HM13: variants seen among roughly 807,000 people sequenced by gnomAD.
The protein encoded by HM13 is signal peptide peptidase.
Under a neutral mutation model 50.0 loss-of-function variants are expected in HM13, and 18 were observed. The ratio of observed to expected loss-of-function variants is 0.36; its 90% confidence interval spans 0.25 to 0.53. HM13 has a LOEUF of 0.53. HM13 is among the 20% of genes least tolerant of loss of function. The pLI, the probability that HM13 is intolerant of heterozygous loss-of-function variation, is 0.90. For synonymous variants in HM13, 197 were observed against 232.6 expected, an observed-to-expected ratio of 0.85 and a Z score of 1.39; for missense variants, 393 against 552.4, an observed-to-expected ratio of 0.71 and a Z score of 2.89.
chr20:31,566,644 C>T (rs958010667), intron 11 of HM13, among the ~76,000 whole-genome samples: 2 of 152,138 alleles, frequency 1.3e-5, no homozygotes, highest in Non-Finnish European at 2.9e-5. Flanking sequence ...TCTTCCCCTC[C>T]CATGGCCTCA....
rs35626235 is a variant in HM13 at position 31,519,843 on chromosome 20, C to CTT, written c.183+5127_183+5128dup. Among the ~76,000 whole-genome samples, 238 of 125,568 alleles carry CTT rather than the reference C, an allele frequency of 1.9e-3. 4 individuals are homozygous for CTT. The highest frequency in any genetic ancestry group is 4.0e-3 in the Middle Eastern group (1 of 252). 82.4% of individuals were successfully genotyped at this position (125,568 alleles called of 152,430 possible). ...ATTGGTGGGTCGAAGGCTATGCACA[C>CTT]TTTTTTTTTTTTTTTTTTTGAGACA... On this transcript the variant is annotated intron_variant, in intron 1 of 12. Transcript: ENST00000398174.
rs1211784507 is a variant in HM13 at position 31,566,942 on chromosome 20, A to T, written c.1034+647A>T. 3.9e-5 allele frequency among the ~76,000 whole-genome samples: 6 copies of T among 152,118 alleles called. No individual in the cohort carries two copies. In the East Asian group the frequency reaches 1.2e-3, roughly 29 times the overall value. ...GACCCTGCCTGCCAGGGACCTAGAA[A>T]TAGCTGTCAGTTGCGATTAAAGCTG... On this transcript the variant is annotated intron_variant, in intron 11 of 12. Transcript: ENST00000398174.
At chr20:31,515,810 T>C (rs116413749) in intron 1 of HM13, among the ~76,000 whole-genome samples, 481 of 152,120 alleles carry the variant, frequency 3.2e-3, no homozygotes, top group African/African-American at 0.011. Context: ...CCCTCTCCCT[T>C]CCTCCACAAC....
At position 31,547,479 on chromosome 20, in the gene HM13, G is replaced by A. The variant is rs1312495741; in HGVS notation, c.455-1550G>A. The A allele has an allele frequency of 1.3e-5, 8 of 630,158 alleles. No homozygotes were observed. In the Admixed American group the frequency reaches 2.0e-4, roughly 16 times the overall value. The allele number at this position is 630,158 out of a possible 1,614,324, so 39.0% of individuals were successfully genotyped here. A position where few individuals can be genotyped will look rare whatever the true frequency, so the allele number is the denominator to read the frequency against. On this transcript the variant is annotated intron_variant, in intron 4 of 12. Transcript: ENST00000398174. ...CCTTGCCAATTCCGTTTGTTTCCCT[G>A]TTGTCGCCCGCTTCACCCTGGATCA... is the stretch of plus-strand genomic sequence containing the variant.
chr20:31,516,882 A>G (rs1413590210), intron 1 of HM13, among the ~76,000 whole-genome samples: 2 of 152,200 alleles, frequency 1.3e-5, no homozygotes, highest in African/African-American at 4.8e-5. Flanking sequence ...ACAGCAACTG[A>G]GGTGGCAGGC....
In HM13 at chr20:31,547,398, G is replaced by A. The variant is rs1020198153; in HGVS notation, c.455-1631G>A. The A allele has an allele frequency of 1.4e-5, 6 of 435,040 alleles. No individual in the cohort carries two copies. The South Asian group carries it at 1.5e-4, about 11-fold the overall frequency. The allele number at this position is 435,040 out of a possible 1,614,324, so 26.9% of individuals were successfully genotyped here. A position where few individuals can be genotyped will look rare whatever the true frequency, so the allele number is the denominator to read the frequency against. On this transcript the variant is annotated intron_variant, in intron 4 of 12. Transcript: ENST00000398174. ...CCGGTTAGCGACAACGGCTCTGACC[G>A]TCTGGCAGGCCGCGTGGCGCCCGCG...
intron 1 of HM13, 33 bp from the exon 2 acceptor site, chr20:31,527,451 G>T (rs375118172): frequency 2.0e-6 from 3 of 1,481,280 alleles, no homozygotes; most frequent in East Asian, 2.3e-5. Flanking sequence ...GGAACCAGCC[G>T]TGCTGAGCCA....
At chr20:31,516,661 G>A (rs1023470258) in intron 1 of HM13, among the ~76,000 whole-genome samples, 2 of 152,182 alleles carry the variant, frequency 1.3e-5, no homozygotes, top group Non-Finnish European at 2.9e-5. Context: ...GGCAGTTCAG[G>A]AAATAGTGGA....
chr20:31,531,599 T>C lies in HM13; in HGVS notation c.282+4017T>C, dbSNP rs541602984. On this transcript the variant is annotated intron_variant, in intron 2 of 12. Transcript: ENST00000398174. ...TTTTTGTTGTTTTTTGTTGTTGTTA[T>C]TGTTTTGTTTTGTTTTTTGAGACGG... 1.5e-4 allele frequency among the ~76,000 whole-genome samples: 23 copies of C among 152,154 alleles called. No homozygotes were observed. The South Asian group carries it at 4.6e-3, about 30-fold the overall frequency.
intron 9 of HM13, 104 bp from the exon 10 acceptor site, chr20:31,561,530 C>G: frequency 2.6e-6 from 2 of 776,862 alleles, no homozygotes; most frequent in Admixed American, 1.9e-5. Flanking sequence ...GCTCAGTCAC[C>G]CCCCCACAAC....
chr20:31,520,882 C>T (rs1378603560), intron 1 of HM13, among the ~76,000 whole-genome samples: 1 of 152,182 alleles, frequency 6.6e-6, no homozygotes, highest in Admixed American at 6.6e-5. Context: ...CAGATCATTT[C>T]CAGGGCATGG....
At chr20:31,556,618 C>CA (rs1262800538) in intron 8 of HM13, among the ~76,000 whole-genome samples, 2 of 152,030 alleles carry the variant, frequency 1.3e-5, no homozygotes, top group Non-Finnish European at 2.9e-5. Flanking sequence ...TGTCCAACTG[C>CA]AAAAAAGGCT....
intron 9 of HM13, among the ~76,000 whole-genome samples, chr20:31,561,285 C>G (rs1478748691): frequency 1.3e-5 from 2 of 152,124 alleles, no homozygotes; most frequent in African/African-American, 2.4e-5. Context: ...GGGGTGGGAC[C>G]TAGAATCCTG....
chr20:31,560,012 C>T (rs980946797), intron 9 of HM13, among the ~76,000 whole-genome samples: 1 of 152,332 alleles, frequency 6.6e-6, no homozygotes, highest in African/African-American at 2.4e-5. Context: ...TGAGCACACA[C>T]TGACCTCAGT....
intron 8 of HM13, among the ~76,000 whole-genome samples, chr20:31,558,302 C>G (rs1277110904): frequency 2.0e-5 from 3 of 152,180 alleles, no homozygotes; most frequent in Non-Finnish European, 2.9e-5. Context: ...CCCTCCTCCT[C>G]CCCCCTCCAG....
chr20:31,530,470 G>A (rs1356997076), intron 2 of HM13, among the ~76,000 whole-genome samples: 9 of 150,206 alleles, frequency 6.0e-5, no homozygotes, highest in East Asian at 3.9e-4. Context: ...GTGCAGTGGC[G>A]TGCGATCTCA....
intron 8 of HM13, among the ~76,000 whole-genome samples, chr20:31,556,743 G>A (rs1270127971): frequency 2.0e-5 from 3 of 151,686 alleles, no homozygotes; most frequent in Non-Finnish European, 4.4e-5. Context: ...GTGGCCGGCC[G>A]GGCACGGTGG....
At chr20:31,556,694 A>G (rs1175404806) in intron 8 of HM13, among the ~76,000 whole-genome samples, 2 of 152,146 alleles carry the variant, frequency 1.3e-5, no homozygotes, top group African/African-American at 4.8e-5. Flanking sequence ...AACAGCTACC[A>G]TTTATCAAGC....
chr20:31,562,978 C>G (rs896206227), intron 10 of HM13, among the ~76,000 whole-genome samples: 1 of 152,148 alleles, frequency 6.6e-6, no homozygotes, highest in African/African-American at 2.4e-5. Context: ...GAGTCCAAGC[C>G]CAGAGCCAAT....
Sources: allele counts gnomAD v4.1 joint callset (sites outside exome capture counted in the v4.1 genomes callset), GRCh38; gene constraint gnomAD v4.1.1; transcripts MANE v1.5; gene names NCBI Gene and HGNC (gene_info 2026-07-23, HGNC 2026-07-21).